Variants in RNF150 observed in about 807,000 individuals in gnomAD.
RNF150 encodes the protein ring finger protein 150.
In RNF150, 24 loss-of-function variants were observed where a neutral mutation model predicts 39.3. That is an observed-to-expected ratio of 0.61 (90% confidence interval 0.44 to 0.86). The LOEUF (loss-of-function observed/expected upper bound fraction) is 0.86. Ranked by LOEUF, RNF150 falls within the 40% of genes least tolerant of loss-of-function variation. The probability of loss-of-function intolerance (pLI) is 0.00; values close to 1 mark genes in which losing one functional copy is unlikely to be tolerated. For synonymous variants in RNF150, 255 were observed against 227.3 expected (o/e 1.12, Z -1.10); for missense variants, 502 against 587.8 (o/e 0.85, Z 1.51).
At chr4:140,960,475 T>C (rs1034735533) in intron 2 of RNF150, among the ~76,000 whole-genome samples, 1 of 152,158 alleles carries the variant, frequency 6.6e-6, no homozygotes, top group Non-Finnish European at 1.5e-5. Context: ...ATGAGGTAAC[T>C]TTGGAAAGCT....
At chr4:140,911,588 T>A (rs1730608864) in intron 5 of RNF150, among the ~76,000 whole-genome samples, 1 of 152,234 alleles carries the variant, frequency 6.6e-6, no homozygotes, top group Non-Finnish European at 1.5e-5. Context: ...CTTTTTAATC[T>A]TTTAGATTAA....
chr4:141,087,468 T>C (rs1361661615), intron 1 of RNF150, among the ~76,000 whole-genome samples: 1 of 152,206 alleles, frequency 6.6e-6, no homozygotes, highest in Non-Finnish European at 1.5e-5. Flanking sequence ...ATTACCTACT[T>C]TCACCTTACA....
chr4:141,104,107 A>C (rs560638680), intron 1 of RNF150, among the ~76,000 whole-genome samples: 3 of 152,248 alleles, frequency 2.0e-5, no homozygotes, highest in East Asian at 3.9e-4. Flanking sequence ...AGGGGAAAGG[A>C]GTGAAGGTCA....
chr4:141,194,892 A>G (rs942392973), intron 1 of RNF150, among the ~76,000 whole-genome samples: 24 of 152,138 alleles, frequency 1.6e-4, no homozygotes, highest in Admixed American at 1.3e-4. Flanking sequence ...ATGGGATAAT[A>G]GTGGTATCTA....
intron 1 of RNF150, among the ~76,000 whole-genome samples, chr4:140,968,356 T>C (rs1312470503): frequency 2.0e-5 from 3 of 152,014 alleles, no homozygotes; most frequent in Non-Finnish European, 2.9e-5. Context: ...TATTCAACTA[T>C]AGATCTCTCT....
At chr4:140,984,318 A>C (rs115342331) in intron 1 of RNF150, among the ~76,000 whole-genome samples, 261 of 152,194 alleles carry the variant, frequency 1.7e-3, no homozygotes, top group African/African-American at 5.8e-3. Flanking sequence ...TTGATACATA[A>C]ATTATTGGGA....
chr4:141,083,135 G>A (rs1326245091), intron 1 of RNF150, among the ~76,000 whole-genome samples: 1 of 152,130 alleles, frequency 6.6e-6, no homozygotes, highest in Non-Finnish European at 1.5e-5. Flanking sequence ...CAAATGAACT[G>A]CCAGAATGGC....
At chr4:140,898,884 T>C (rs1730059966) in intron 6 of RNF150, among the ~76,000 whole-genome samples, 1 of 152,340 alleles carries the variant, frequency 6.6e-6, no homozygotes, top group East Asian at 1.9e-4. Context: ...AATACTTTCT[T>C]GTGCTGACAG....
chr4:141,153,560 G>C (rs529567091), intron 1 of RNF150, among the ~76,000 whole-genome samples: 1 of 152,288 alleles, frequency 6.6e-6, no homozygotes, highest in South Asian at 2.1e-4. Flanking sequence ...CACCCAGTCT[G>C]TGGTAATTTG....
At chr4:140,966,018 C>T (rs982879373) in intron 2 of RNF150, among the ~76,000 whole-genome samples, 1 of 152,050 alleles carries the variant, frequency 6.6e-6, no homozygotes, top group Non-Finnish European at 1.5e-5. Flanking sequence ...TTCAACTATA[C>T]ACAATAAAAT....
chr4:141,110,537 C>T (rs372021513), intron 1 of RNF150, among the ~76,000 whole-genome samples: 2 of 151,860 alleles, frequency 1.3e-5, no homozygotes, highest in East Asian at 3.9e-4. Flanking sequence ...GTGATCTTCC[C>T]ACGTAGCTTG....
chr4:140,887,194 T>C (rs574774337), intron 6 of RNF150, among the ~76,000 whole-genome samples: 1 of 152,354 alleles, frequency 6.6e-6, no homozygotes, highest in Non-Finnish European at 1.5e-5. Context: ...ATGTATGATA[T>C]GATGTTGATA....
At chr4:141,083,344 A>G (rs1738234078) in intron 1 of RNF150, among the ~76,000 whole-genome samples, 1 of 152,228 alleles carries the variant, frequency 6.6e-6, no homozygotes. Context: ...AATAATTTGA[A>G]TGACTCTCAC....
At chr4:141,035,880 C>T (rs1277505224) in intron 1 of RNF150, among the ~76,000 whole-genome samples, 1 of 151,908 alleles carries the variant, frequency 6.6e-6, no homozygotes, top group South Asian at 2.1e-4. Flanking sequence ...AGGCCTGGGG[C>T]GGGGGATTTG....
At chr4:141,084,665 A>G (rs2110989553) in intron 1 of RNF150, among the ~76,000 whole-genome samples, 1 of 152,344 alleles carries the variant, frequency 6.6e-6, no homozygotes, top group African/African-American at 2.4e-5. Context: ...CATGAACTAG[A>G]GTGTATACTT....
At chr4:141,182,956 C>A (rs1727937399) in intron 1 of RNF150, among the ~76,000 whole-genome samples, 1 of 151,902 alleles carries the variant, frequency 6.6e-6, no homozygotes, top group African/African-American at 2.4e-5. Flanking sequence ...GTAACCAAAA[C>A]AGCCTGGTAC....
In RNF150 at chr4:141,027,934, T is replaced by TG. The variant is rs1560696755; in HGVS notation, c.485-60062_485-60061insC. On this transcript the variant is annotated intron_variant, in intron 1 of 6. Coordinates refer to ENST00000515673, the MANE Select transcript of RNF150 (RefSeq NM_020724.2). Reference sequence around the variant, plus strand: ...TTTGTTTTTTTTTTTTTGTTTTTTTTTTTTTTTTTTTTTTTTTTCAATCCT... The same window carrying TG: ...TTTGTTTTTTTTTTTTTGTTTTTTTTGTTTTTTTTTTTTTTTTTTCAATCCT... Among the ~76,000 whole-genome samples, 777 of 127,274 alleles carry TG rather than the reference T, an allele frequency of 6.1e-3. 18 individuals carry two copies. Among genetic ancestry groups the TG allele is most frequent in the African/African-American group, 0.017 (575 of 33,678 alleles). 83.5% of individuals were successfully genotyped at this position (127,274 alleles called of 152,430 possible).
chr4:141,158,533 T>C (rs1192210023), intron 1 of RNF150, among the ~76,000 whole-genome samples: 1 of 152,130 alleles, frequency 6.6e-6, no homozygotes, highest in Non-Finnish European at 1.5e-5. Flanking sequence ...TATATAACAT[T>C]TACTGATTTC....
At chr4:141,197,541 C>T (rs923713494) in intron 1 of RNF150, among the ~76,000 whole-genome samples, 3 of 152,116 alleles carry the variant, frequency 2.0e-5, no homozygotes, top group African/African-American at 7.2e-5. Context: ...ACTTTCATCA[C>T]CTTTTACAAT....
Sources: allele counts gnomAD v4.1 joint callset (sites outside exome capture counted in the v4.1 genomes callset), GRCh38; gene constraint gnomAD v4.1.1; transcripts MANE v1.5; gene names NCBI Gene and HGNC (gene_info 2026-07-23, HGNC 2026-07-21).